The following ANK1 variants were observed in gnomAD, a reference collection of about 807,000 sequenced individuals.
ANK1 encodes the protein ankyrin 1.
ANK1 carries 51 observed loss-of-function variants against 210.4 expected under a neutral mutation model. The observed-to-expected ratio is 0.24, with a 90% CI of 0.19 to 0.31. The LOEUF (loss-of-function observed/expected upper bound fraction) is 0.31. ANK1 is among the 10% of genes least tolerant of loss of function. ANK1 has a pLI of 1.00. For synonymous variants in ANK1, 967 were observed against 1,025.9 expected (o/e 0.94, Z 1.10); for missense variants, 2,051 against 2,504.4 (o/e 0.82, Z 3.86).
At chr8:41,736,698 C>A (rs1379807224) in intron 2 of ANK1, among the ~76,000 whole-genome samples, 1 of 152,178 alleles carries the variant, frequency 6.6e-6, no homozygotes, top group African/African-American at 2.4e-5. Context: ...AACCAGCAAG[C>A]CTGGAAAGAA....
rs1317589882 is a variant in ANK1 at position 41,686,289 on chromosome 8, A to G, written c.4259-6T>C. 6.2e-7 allele frequency: 1 copy of G among 1,613,318 alleles called. No individual in the cohort carries two copies. The highest frequency in any genetic ancestry group is 1.3e-5 in the African/African-American group (1 of 74,894). ...CTGCAGCTCCCGGGCCAACTCTGCA[A>G]GCAAAGAACCAACAGCAGATGTGAG... On this transcript the variant is annotated splice_polypyrimidine_tract_variant and splice_region_variant and intron_variant, in intron 35 of 42. Coordinates refer to ENST00000289734, the MANE Select transcript of ANK1 (RefSeq NM_000037.4).
chr8:41,745,989 C>CT (rs1205495047), intron 2 of ANK1, among the ~76,000 whole-genome samples: 14 of 152,236 alleles, frequency 9.2e-5, no homozygotes, highest in African/African-American at 3.4e-4. Context: ...TTCTGAGTGG[C>CT]TGGGCATCTG....
At chr8:41,849,817 CTT>C (rs548392791) in intron 1 of ANK1, among the ~76,000 whole-genome samples, 45 of 152,316 alleles carry the variant, frequency 3.0e-4, no homozygotes, top group Admixed American at 2.9e-3. Context: ...CCTCTTAACT[CTT>C]TTTCACCAAC....
intron 2 of ANK1, among the ~76,000 whole-genome samples, chr8:41,756,946 A>G (rs1389339748): frequency 6.6e-6 from 1 of 152,234 alleles, no homozygotes; most frequent in Non-Finnish European, 1.5e-5. Context: ...CAAAAGTACA[A>G]ATATAGCAGG....
intron 1 of ANK1, among the ~76,000 whole-genome samples, chr8:41,765,196 C>T (rs79845117): frequency 3.7e-5 from 5 of 136,984 alleles, no homozygotes; most frequent in African/African-American, 1.1e-4. Context: ...CTTTCTTTTT[C>T]TTTCTCTTTT....
intron 1 of ANK1, among the ~76,000 whole-genome samples, chr8:41,771,052 G>A (rs771379040): frequency 6.6e-6 from 1 of 152,218 alleles, no homozygotes; most frequent in Admixed American, 6.5e-5. Flanking sequence ...GCTAAACACA[G>A]TGATTACTGA....
intron 37 of ANK1, among the ~76,000 whole-genome samples, chr8:41,677,827 T>C (rs1814686341): frequency 6.6e-6 from 1 of 152,184 alleles, no homozygotes; most frequent in African/African-American, 2.4e-5. Flanking sequence ...TGATCTCAAG[T>C]GATCCACCCA....
intron 1 of ANK1, among the ~76,000 whole-genome samples, chr8:41,855,821 A>C (rs1812087342): frequency 6.6e-6 from 1 of 152,062 alleles, no homozygotes; most frequent in Non-Finnish European, 1.5e-5. Flanking sequence ...GCCCTTGCCA[A>C]GTGGAAAATC....
upstream of ANK1, among the ~76,000 whole-genome samples, chr8:41,802,337 T>G (rs1307887434): frequency 6.6e-6 from 1 of 152,188 alleles, no homozygotes; most frequent in African/African-American, 2.4e-5. Context: ...CTTGACTTAT[T>G]TTGTGTATGA....
At chr8:41,845,575 TG>T (rs1231667130) in intron 1 of ANK1, among the ~76,000 whole-genome samples, 2 of 151,620 alleles carry the variant, frequency 1.3e-5, no homozygotes, top group East Asian at 1.9e-4. Context: ...GTCTGGGGCT[TG>T]GGGGGGTCTG....
Position 41,715,719 on chromosome 8 carries a change from C to T in ANK1, c.1535G>A (p.Arg512His), listed in dbSNP as rs371259018. The T allele has an allele frequency of 9.4e-5, 151 of 1,614,108 alleles. No individual in the cohort carries two copies. Among genetic ancestry groups the T allele is most frequent in the South Asian group, 7.5e-4 (68 of 91,070 alleles). Residue 512 changes from arginine (R) to histidine (H), a missense_variant, in exon 14 of 43, where the codon CGT (arginine) becomes CAT (histidine). By Grantham distance (29) the Arg-to-His change is conservative. This residue lies in a region of ANK1 where 1,413 missense variants were observed against 1,707.4 expected (regional missense o/e 0.83). Transcript: ENST00000289734. The part of the protein sequence containing the change: ...AGHTPLHIAA[R>H]EGHVETVLAL... ...CAGGACTGTTTCCACATGGCCCTCA[C>T]GGGCTGCAATGTGCAGGGGGGTGTG...
chr8:41,854,310 G>T (rs1469026059), intron 1 of ANK1, among the ~76,000 whole-genome samples: 1 of 152,152 alleles, frequency 6.6e-6, no homozygotes, highest in Admixed American at 6.5e-5. Context: ...CTGTGACTCC[G>T]AATCTAGATT....
intron 1 of ANK1, among the ~76,000 whole-genome samples, chr8:41,807,217 T>G (rs1851099438): frequency 6.6e-6 from 1 of 152,138 alleles, no homozygotes; most frequent in South Asian, 2.1e-4. Flanking sequence ...TCCAGCAATC[T>G]GATGGGGCAG....
chr8:41,793,406 A>C (rs953682185), intron 1 of ANK1, among the ~76,000 whole-genome samples: 4 of 152,170 alleles, frequency 2.6e-5, no homozygotes, highest in African/African-American at 9.7e-5. Flanking sequence ...AAAAAAAATA[A>C]ATACAACAGT....
chr8:41,663,622 C>T, intron 40 of ANK1, 37 bp downstream of exon 40: 1 of 1,588,722 alleles, frequency 6.3e-7, no homozygotes, highest in Non-Finnish European at 8.6e-7. Flanking sequence ...AGCCCACCTG[C>T]CTCTCCCCAG....
chr8:41,699,540 G>A lies in ANK1; in HGVS notation c.2470C>T (p.Leu824Phe). 1 of 1,614,124 alleles carries A rather than the reference G, an allele frequency of 6.2e-7. No individual in the cohort carries two copies. Among genetic ancestry groups the A allele is most frequent in the Non-Finnish European group, 8.5e-7 (1 of 1,180,012 alleles). ...LDVSEDEGEE[L>F]ISFKAERRDS... ...CGCCTCTCAGCCTTGAAGCTGATGA[G>A]TTCTTCCCCTGAAACAGCAAGAGCT... Residue 824 changes from leucine to phenylalanine, a missense_variant, in exon 23 of 43, where the codon CTC becomes TTC. Leu to Phe is a conservative substitution (Grantham distance 22). Around this residue, in one of 6 missense-constraint regions of ANK1, gnomAD observed 1,413 missense variants for 1,707.4 expected, o/e 0.83. Transcript: ENST00000289734.
chr8:41,657,667 G>A (rs1294960240), intron 42 of ANK1, among the ~76,000 whole-genome samples: 1 of 152,176 alleles, frequency 6.6e-6, no homozygotes, highest in Non-Finnish European at 1.5e-5. Context: ...CCCAGGCACT[G>A]AGCAGAAGAG....
At chr8:41,767,285 G>A (rs1183204636) in intron 1 of ANK1, among the ~76,000 whole-genome samples, 2 of 150,662 alleles carry the variant, frequency 1.3e-5, no homozygotes, top group Admixed American at 1.3e-4. Context: ...CCCGGCCCCG[G>A]CCCCGATCCC....
At position 41,714,286 on chromosome 8, in the gene ANK1, G is replaced by A. The variant is rs191729067; in HGVS notation, c.1702-32C>T. ...GGGACAAAGACAAAAGAGGCCGGCT[G>A]TCACTCCCACGGACTTTCTCCCAGG... is the stretch of plus-strand genomic sequence containing the variant. On this transcript the variant is annotated intron_variant, in intron 15 of 42. Coordinates refer to ENST00000289734, the MANE Select transcript of ANK1 (RefSeq NM_000037.4). The A allele has an allele frequency of 9.9e-5, 151 of 1,526,352 alleles. 1 individual carries two copies. The African/African-American group carries it at 1.4e-3, about 14-fold the overall frequency. The allele number at this position is 1,526,352 out of a possible 1,614,324, so 94.6% of individuals were successfully genotyped here.
Sources: allele counts gnomAD v4.1 joint callset (sites outside exome capture counted in the v4.1 genomes callset), GRCh38; gene constraint gnomAD v4.1.1; regional missense constraint gnomAD v4.1.1; transcripts MANE v1.5; gene names NCBI Gene and HGNC (gene_info 2026-07-23, HGNC 2026-07-21).